RBFOX1: variants seen among roughly 807,000 people sequenced by gnomAD.
The protein encoded by RBFOX1 is RNA binding fox-1 homolog 1, also known as RNA binding protein fox-1 homolog 1.
Under a neutral mutation model 57.7 loss-of-function variants are expected in RBFOX1, and 8 were observed. The observed-to-expected ratio is 0.14, with a 90% CI of 0.08 to 0.25. The LOEUF is 0.25. Ranked by LOEUF, RBFOX1 falls within the 10% of genes least tolerant of loss-of-function variation. The probability of loss-of-function intolerance (pLI) is 1.00; values close to 1 mark genes in which losing one functional copy is unlikely to be tolerated. For synonymous variants in RBFOX1, 326 were observed against 222.4 expected, an observed-to-expected ratio of 1.47 and a Z score of -4.15; for missense variants, 611 against 548.5, an observed-to-expected ratio of 1.11 and a Z score of -1.14.
intron 3 of RBFOX1, among the ~76,000 whole-genome samples, chr16:7,042,237 G>A (rs1311475469): frequency 6.6e-6 from 1 of 152,224 alleles, no homozygotes; most frequent in African/African-American, 2.4e-5. Flanking sequence ...TCAGGGCACA[G>A]TAGCTAATGA....
chr16:7,048,461 GTA>G (rs1156269870), intron 3 of RBFOX1, among the ~76,000 whole-genome samples: 2 of 151,730 alleles, frequency 1.3e-5, no homozygotes, highest in East Asian at 3.9e-4. Flanking sequence ...GGGTTTCATC[GTA>G]TTAGCCAGGA....
chr16:6,276,669 A>C (rs567614097), intron 1 of RBFOX1, among the ~76,000 whole-genome samples: 1 of 152,198 alleles, frequency 6.6e-6, no homozygotes. Context: ...TGTTGGATTC[A>C]TATTTATCCC....
intron 1 of RBFOX1, among the ~76,000 whole-genome samples, chr16:5,460,541 AGT>A (rs2068757521): frequency 1.3e-5 from 2 of 152,320 alleles, no homozygotes; most frequent in South Asian, 4.1e-4. Context: ...TGCTACCCAC[AGT>A]CCTTGGGCAG....
rs910420099 is a variant in RBFOX1 at position 6,896,777 on chromosome 16, T to C, written c.-15-155280T>C. The stretch of plus-strand genomic sequence containing the variant: ...TCCCAAGAGCGTGAAGACCCACAAA[T>C]GTACATGAGAGGTGGGAGCATTTGA... On this transcript the variant is annotated intron_variant, in intron 3 of 15. Coordinates refer to ENST00000550418, the MANE Select transcript of RBFOX1 (RefSeq NM_018723.4). Among the ~76,000 whole-genome samples, 6 of 152,230 alleles carry C rather than the reference T, an allele frequency of 3.9e-5. No individual in the cohort carries two copies. In the East Asian group the frequency reaches 9.7e-4, roughly 25 times the overall value.
intron 15 of RBFOX1, 135 bp downstream of exon 15, chr16:7,709,266 T>G (rs1375415245): frequency 3.1e-6 from 3 of 982,502 alleles, no homozygotes; most frequent in African/African-American, 1.6e-5. Context: ...GCAGCTAAAA[T>G]GCCACATTAA....
At chr16:5,618,070 C>T (rs932921638) in intron 3 of RBFOX1, among the ~76,000 whole-genome samples, 2 of 152,162 alleles carry the variant, frequency 1.3e-5, no homozygotes, top group African/African-American at 4.8e-5. Flanking sequence ...ATTTTTACAT[C>T]TGTGTATCTC....
At chr16:6,069,815 C>T (rs1246710443) in intron 1 of RBFOX1, among the ~76,000 whole-genome samples, 10 of 151,964 alleles carry the variant, frequency 6.6e-5, no homozygotes, top group African/African-American at 1.9e-4. Flanking sequence ...GGTGAAACCC[C>T]ATCTCTACTA....
intron 3 of RBFOX1, among the ~76,000 whole-genome samples, chr16:6,986,946 G>A (rs768866166): frequency 6.6e-6 from 1 of 152,138 alleles, no homozygotes; most frequent in Admixed American, 6.5e-5. Context: ...CACCCCGCCT[G>A]CATTCCCTAC....
chr16:7,009,649 C>G (rs2029624), intron 3 of RBFOX1, among the ~76,000 whole-genome samples: 65,687 of 151,678 alleles, frequency 0.43, 17,519 homozygotes, highest in South Asian at 0.61. Flanking sequence ...ACCGTCTGGG[C>G]ACTTGTCACC....
intron 1 of RBFOX1, among the ~76,000 whole-genome samples, chr16:5,424,895 C>A (rs184449114): frequency 2.3e-5 from 2 of 87,156 alleles, no homozygotes; most frequent in African/African-American, 1.0e-4. Flanking sequence ...TTCTTTCTTT[C>A]TTTCTTTCTT....
intron 14 of RBFOX1, among the ~76,000 whole-genome samples, chr16:7,700,573 T>G (rs530945297): frequency 6.6e-6 from 1 of 152,272 alleles, no homozygotes; most frequent in Non-Finnish European, 1.5e-5. Flanking sequence ...CAAAGCACAA[T>G]AAAAATTCTT....
At chr16:5,757,460 G>C in intron 3 of RBFOX1, among the ~76,000 whole-genome samples, 1 of 152,046 alleles carries the variant, frequency 6.6e-6, no homozygotes, top group East Asian at 1.9e-4. Flanking sequence ...TCGATCTCTT[G>C]ACCTTGTGAT....
chr16:6,724,880 C>G (rs1309150149), intron 3 of RBFOX1, among the ~76,000 whole-genome samples: 2 of 152,062 alleles, frequency 1.3e-5, no homozygotes, highest in African/African-American at 4.8e-5. Flanking sequence ...TCTGCCTCCC[C>G]CAAAGCCATA....
At chr16:6,837,298 C>G (rs1224336544) in intron 3 of RBFOX1, among the ~76,000 whole-genome samples, 2 of 152,188 alleles carry the variant, frequency 1.3e-5, no homozygotes, top group African/African-American at 4.8e-5. Context: ...TGGCTCAAGA[C>G]CCAGGCTGCT....
intron 1 of RBFOX1, among the ~76,000 whole-genome samples, chr16:6,229,434 C>G (rs2097442049): frequency 6.6e-6 from 1 of 152,148 alleles, no homozygotes; most frequent in Non-Finnish European, 1.5e-5. Context: ...TCCACCCTCC[C>G]TTTTGTTCTG....
chr16:5,969,354 C>T (rs574977371), intron 4 of RBFOX1, among the ~76,000 whole-genome samples: 4 of 136,562 alleles, frequency 2.9e-5, no homozygotes, highest in South Asian at 2.4e-4. Flanking sequence ...CACTGTCACC[C>T]GGGCTGGAGT....
At chr16:5,497,184 C>A (rs941052819) in intron 2 of RBFOX1, among the ~76,000 whole-genome samples, 1 of 152,064 alleles carries the variant, frequency 6.6e-6, no homozygotes, top group Non-Finnish European at 1.5e-5. Context: ...CAGCTTTCAC[C>A]GGGGTTGGTG....
chr16:5,918,896 T>C (rs2058761686), intron 4 of RBFOX1, among the ~76,000 whole-genome samples: 1 of 152,168 alleles, frequency 6.6e-6, no homozygotes, highest in Admixed American at 6.5e-5. Flanking sequence ...AAGTCGTCTT[T>C]AGGTCCAGCT....
intron 3 of RBFOX1, among the ~76,000 whole-genome samples, chr16:7,013,157 T>C (rs989697832): frequency 6.6e-6 from 1 of 152,118 alleles, no homozygotes; most frequent in Non-Finnish European, 1.5e-5. Flanking sequence ...TACAAATTTG[T>C]GGTGTAATGC....
Sources: gnomAD v4.1 joint callset for allele counts (sites outside exome capture counted in the v4.1 genomes callset) on GRCh38, gnomAD v4.1.1 for gene constraint, MANE v1.5 for transcripts, NCBI Gene and HGNC (gene_info 2026-07-23, HGNC 2026-07-21) for gene names.